The following PIK3R3 variants were observed in gnomAD, a reference collection of about 807,000 sequenced individuals.
The protein encoded by PIK3R3 is phosphatidylinositol 3-kinase regulatory subunit gamma.
A neutral mutation model predicts 62.9 loss-of-function variants in PIK3R3; 64 were observed. The observed-to-expected ratio is 1.02, with a 90% confidence interval of 0.83 to 1.25. The LOEUF (loss-of-function observed/expected upper bound fraction) is 1.25, where lower values mean the gene tolerates loss of function less well. Among genes scored for constraint, PIK3R3 ranks in the 50% most tolerant of loss-of-function variants. The pLI, the probability that PIK3R3 is intolerant of heterozygous loss-of-function variation, is 0.00. For missense variants in PIK3R3, 614 were observed against 561.6 expected (o/e 1.09, Z -0.94); for synonymous variants, 165 against 189.0 (o/e 0.87, Z 1.04).
chr1:46,063,259 CATAAA>C (rs1229730541), intron 5 of PIK3R3, among the ~76,000 whole-genome samples: 1 of 152,130 alleles, frequency 6.6e-6, no homozygotes, highest in African/African-American at 2.4e-5. Context: ...ATAATGTATA[CATAAA>C]ATAACAAGGC....
chr1:46,111,699 T>C (rs1653758117), intron 1 of PIK3R3, among the ~76,000 whole-genome samples: 1 of 151,722 alleles, frequency 6.6e-6, no homozygotes, highest in Non-Finnish European at 1.5e-5. Flanking sequence ...CACTTCAGCC[T>C]GGGTGACAGA....
chr1:46,168,226 G>T, the PIK3R3 span, among the ~76,000 whole-genome samples: 18 of 151,922 alleles, frequency 1.2e-4, no homozygotes, highest in African/African-American at 4.1e-4. Context: ...CCTCTAGGAG[G>T]TCTGTGTCCC....
At chr1:46,163,990 G>A in the PIK3R3 span, among the ~76,000 whole-genome samples, 10 of 152,254 alleles carry the variant, frequency 6.6e-5, no homozygotes, top group East Asian at 5.8e-4. Context: ...GACCAGCCCA[G>A]TGGTAGCAGG....
At chr1:46,171,648 T>C in the PIK3R3 span, among the ~76,000 whole-genome samples, 1 of 152,024 alleles carries the variant, frequency 6.6e-6, no homozygotes, top group African/African-American at 2.4e-5. Context: ...TGTCTGTTCG[T>C]GCCCTTACCC....
chr1:46,081,865 A>G (rs1422412245), intron 1 of PIK3R3, among the ~76,000 whole-genome samples: 6 of 152,198 alleles, frequency 3.9e-5, no homozygotes, highest in African/African-American at 1.4e-4. Flanking sequence ...AGGCTATGTT[A>G]AAAGAACAAA....
At chr1:46,072,223 C>G (rs1415436523) in intron 3 of PIK3R3, among the ~76,000 whole-genome samples, 1 of 152,208 alleles carries the variant, frequency 6.6e-6, no homozygotes, top group African/African-American at 2.4e-5. Context: ...TTTGTCCTCA[C>G]TAGATTATAC....
At chr1:46,090,249 G>C (rs1651486801) in intron 1 of PIK3R3, among the ~76,000 whole-genome samples, 1 of 152,116 alleles carries the variant, frequency 6.6e-6, no homozygotes, top group South Asian at 2.1e-4. Context: ...AACTTGTACA[G>C]GCTAGTGAGA....
the PIK3R3 span, among the ~76,000 whole-genome samples, chr1:46,152,809 C>T: frequency 2.6e-5 from 4 of 152,108 alleles, no homozygotes; most frequent in Non-Finnish European, 5.9e-5. Flanking sequence ...GTGATCTGCC[C>T]TCCTCGGCCT....
At chr1:46,128,316 A>G (rs1655269559) in intron 1 of PIK3R3, among the ~76,000 whole-genome samples, 1 of 152,192 alleles carries the variant, frequency 6.6e-6, no homozygotes. Flanking sequence ...GCGCCTGTGT[A>G]GTCCCAGCTA....
At chr1:46,120,827 C>T (rs1654615536) in intron 1 of PIK3R3, among the ~76,000 whole-genome samples, 1 of 152,178 alleles carries the variant, frequency 6.6e-6, no homozygotes, top group Admixed American at 6.5e-5. Context: ...GGGTTATTTA[C>T]TGGTGACTGG....
the PIK3R3 span, among the ~76,000 whole-genome samples, chr1:46,151,182 A>G: frequency 3.3e-5 from 5 of 152,146 alleles, no homozygotes; most frequent in African/African-American, 9.6e-5. Context: ...AACATTGCCA[A>G]CATATACCCA....
the PIK3R3 span, among the ~76,000 whole-genome samples, chr1:46,141,037 C>T: frequency 5.3e-5 from 8 of 150,794 alleles, no homozygotes; most frequent in African/African-American, 1.7e-4. Flanking sequence ...ATTTTTTTTT[C>T]TTTTTGTAGA....
chr1:46,064,606 A>T (rs1374960161), intron 5 of PIK3R3, among the ~76,000 whole-genome samples: 2 of 152,194 alleles, frequency 1.3e-5, no homozygotes, highest in African/African-American at 4.8e-5. Context: ...ACTTTAATGA[A>T]TATATTTACT....
chr1:46,096,249 C>G (rs898484580), intron 1 of PIK3R3, among the ~76,000 whole-genome samples: 5 of 152,216 alleles, frequency 3.3e-5, no homozygotes, highest in African/African-American at 1.2e-4. Context: ...ATCCTTTTCA[C>G]ACACTACTAA....
At position 46,115,558 on chromosome 1, in the gene PIK3R3, C is replaced by T. The variant is rs1280632703; in HGVS notation, c.106+16289G>A. On this transcript the variant is annotated intron_variant, in intron 1 of 9. Coordinates refer to ENST00000262741, the MANE Select transcript of PIK3R3 (RefSeq NM_003629.4). Reference sequence around the variant, plus strand: ...TCCATACTGCATATATTTTATCTGGCAATACTAAATTTCAAGGGCTGAACA... The same window carrying T: ...TCCATACTGCATATATTTTATCTGGTAATACTAAATTTCAAGGGCTGAACA... Among the ~76,000 whole-genome samples the T allele has an allele frequency of 3.9e-5, 6 of 152,100 alleles. No individual in the cohort carries two copies. In the East Asian group the frequency reaches 1.2e-3, roughly 29 times the overall value.
rs752054433 is a variant in PIK3R3 at position 46,110,929 on chromosome 1, T to TG, written c.106+20917dup. ...GAAATGACCCATAAAAAAAGAAAGA[T>TG]GGTCACTCACACTTGCTACATTGCT... On this transcript the variant is annotated intron_variant, in intron 1 of 9. Transcript: ENST00000262741. 4.0e-4 allele frequency among the ~76,000 whole-genome samples: 61 copies of TG among 151,854 alleles called. 1 individual carries two copies. The highest frequency in any genetic ancestry group is 7.5e-4 in the Non-Finnish European group (51 of 67,972).
chr1:46,145,232 T>G, the PIK3R3 span, among the ~76,000 whole-genome samples: 1 of 152,120 alleles, frequency 6.6e-6, no homozygotes, highest in Non-Finnish European at 1.5e-5. Flanking sequence ...GACCCCTTTT[T>G]CTTCCTACCC....
chr1:46,132,483 T>A lies in PIK3R3; in HGVS notation c.-531A>T, dbSNP rs937164485. 5.0e-6 allele frequency: 6 copies of A among 1,203,150 alleles called. No individual in the cohort carries two copies. Among genetic ancestry groups the A allele is most frequent in the African/African-American group, 1.6e-5 (1 of 62,854 alleles). 74.5% of individuals were successfully genotyped at this position (1,203,150 alleles called of 1,614,324 possible). ...ATCCCCCAGAGGCCGGGACTCGGGC[T>A]CCTCTCCGGTCGGTCTCGGAACCGA... On this transcript the variant is annotated 5_prime_UTR_variant, in exon 1 of 10. Transcript: ENST00000262741.
At chr1:46,101,353 G>C (rs1418144685) in intron 1 of PIK3R3, among the ~76,000 whole-genome samples, 2 of 151,928 alleles carry the variant, frequency 1.3e-5, no homozygotes, top group Non-Finnish European at 2.9e-5. Flanking sequence ...AAAAGTAACT[G>C]GGTGTGGTGG....
Sources: gnomAD v4.1 joint callset for allele counts (sites outside exome capture counted in the v4.1 genomes callset) on GRCh38, gnomAD v4.1.1 for gene constraint, MANE v1.5 for transcripts, NCBI Gene and HGNC (gene_info 2026-07-23, HGNC 2026-07-21) for gene names.